ABCA5: variants seen among roughly 807,000 people sequenced by gnomAD.
The protein encoded by ABCA5 is ATP binding cassette subfamily A member 5.
Under a neutral mutation model 206.0 loss-of-function variants are expected in ABCA5, and 163 were observed. The observed-to-expected ratio is 0.79, with a 90% CI of 0.70 to 0.90. The LOEUF is 0.90. Among genes scored for constraint, ABCA5 ranks in the 40% least tolerant of loss-of-function variants. The pLI is 0.00. For synonymous variants in ABCA5, 609 were observed against 613.8 expected, an observed-to-expected ratio of 0.99 and a Z score of 0.11; for missense variants, 1,859 against 1,912.9, an observed-to-expected ratio of 0.97 and a Z score of 0.53.
chr17:69,308,845 T>C (rs1443663174), intron 4 of ABCA5, among the ~76,000 whole-genome samples: 1 of 152,134 alleles, frequency 6.6e-6, no homozygotes, highest in African/African-American at 2.4e-5. Context: ...TATTTCTTCA[T>C]AGATTTAAAC....
At chr17:69,281,888 G>A (rs1406887515) in intron 18 of ABCA5, among the ~76,000 whole-genome samples, 3 of 152,010 alleles carry the variant, frequency 2.0e-5, no homozygotes, top group African/African-American at 4.8e-5. Context: ...CACCCACTCG[G>A]CATTCATGCA....
intron 35 of ABCA5, 23 bp downstream of exon 35, chr17:69,251,724 T>A: frequency 6.2e-7 from 1 of 1,601,644 alleles, no homozygotes; most frequent in Admixed American, 1.8e-5. Context: ...TTCCCCTGAA[T>A]GGCACGCTAT....
At chr17:69,289,335 C>A (rs2075499018) in intron 13 of ABCA5, 39 bp from the exon 14 acceptor site, 7 of 1,433,426 alleles carry the variant, frequency 4.9e-6, no homozygotes, top group Non-Finnish European at 6.5e-6. Context: ...TTTTAAAAAT[C>A]ATACCATTTA....
chr17:69,250,522 G>A lies in ABCA5; in HGVS notation c.4635C>T (p.Arg1545=). The part of the protein sequence containing the change: ...KDWIENLEVD[R]LQREIQYIFP... ...AAATATACTGAATTTCTCTTTGAAG[G>A]CGGTCTACTTCTAGGTTTTCTATCC... The change falls in exon 36 of 39, where the codon CGC becomes CGT. Residue 1545 remains arginine, a synonymous_variant. Coordinates refer to ENST00000392676, the MANE Select transcript of ABCA5 (RefSeq NM_172232.4). 1.0e-5 allele frequency: 16 copies of A among 1,602,634 alleles called. No individual in the cohort carries two copies. The highest frequency in any genetic ancestry group is 1.4e-5 in the Non-Finnish European group (16 of 1,176,082).
At chr17:69,276,769 C>T (rs2075336609) in intron 19 of ABCA5, among the ~76,000 whole-genome samples, 1 of 152,108 alleles carries the variant, frequency 6.6e-6, no homozygotes, top group African/African-American at 2.4e-5. Context: ...CCTGCAAGTT[C>T]TGCACATATA....
At position 69,299,471 on chromosome 17, in the gene ABCA5, T is replaced by TACACACACACACACACACAC. The variant is rs71144671; in HGVS notation, c.1267+1648_1267+1667dup. Among the ~76,000 whole-genome samples the TACACACACACACACACACAC allele has an allele frequency of 1.6e-3, 226 of 142,494 alleles. 3 individuals are homozygous for TACACACACACACACACACAC. Among genetic ancestry groups the TACACACACACACACACACAC allele is most frequent in the Middle Eastern group, 3.5e-3 (1 of 288 alleles). The allele number at this position is 142,494 out of a possible 152,430, so 93.5% of individuals were successfully genotyped here. ...AAAATGTGATACACACACACACACA[T>TACACACACACACACACACAC]ACACACACACACACACACACACACA... On this transcript the variant is annotated intron_variant, in intron 9 of 38. Coordinates refer to ENST00000392676, the MANE Select transcript of ABCA5 (RefSeq NM_172232.4).
chr17:69,285,789 G>T, intron 17 of ABCA5, 109 bp downstream of exon 17: 1 of 1,144,734 alleles, frequency 8.7e-7, no homozygotes. Flanking sequence ...CTGGCCACCT[G>T]GGAGCATGGC....
chr17:69,260,794 T>A (rs76422023), intron 26 of ABCA5, among the ~76,000 whole-genome samples: 6,438 of 152,046 alleles, frequency 0.042, 183 homozygotes, highest in Non-Finnish European at 0.066. Context: ...TCTCTTACAC[T>A]TTATTCTTTC....
intron 18 of ABCA5, among the ~76,000 whole-genome samples, chr17:69,279,985 T>C (rs2075374072): frequency 6.6e-6 from 1 of 152,166 alleles, no homozygotes; most frequent in Non-Finnish European, 1.5e-5. Context: ...AAGGACTTCC[T>C]GTCTAAAACA....
chr17:69,300,667 T>C (rs977759807), intron 9 of ABCA5, among the ~76,000 whole-genome samples: 30 of 152,278 alleles, frequency 2.0e-4, no homozygotes, highest in Non-Finnish European at 4.3e-4. Flanking sequence ...TACAGGACAG[T>C]ACAGGTGTAG....
chr17:69,299,602 G>C (rs1387696413), intron 9 of ABCA5, among the ~76,000 whole-genome samples: 1 of 151,824 alleles, frequency 6.6e-6, no homozygotes, highest in Non-Finnish European at 1.5e-5. Context: ...CTCAGGAATA[G>C]AAAACCAAAT....
chr17:69,298,597 A>G (rs1263713804), intron 9 of ABCA5, among the ~76,000 whole-genome samples: 1 of 152,192 alleles, frequency 6.6e-6, no homozygotes, highest in Admixed American at 6.5e-5. Context: ...ATGTAGGGAA[A>G]GGACACCCTA....
intron 1 of ABCA5, among the ~76,000 whole-genome samples, chr17:69,320,290 A>T (rs1218027754): frequency 1.3e-5 from 2 of 152,244 alleles, no homozygotes; most frequent in Non-Finnish European, 2.9e-5. Context: ...GGTGAACTTC[A>T]TTTAAAGACG....
At chr17:69,259,312 A>G (rs1195754139) in intron 28 of ABCA5, among the ~76,000 whole-genome samples, 1 of 152,068 alleles carries the variant, frequency 6.6e-6, no homozygotes, top group Non-Finnish European at 1.5e-5. Flanking sequence ...CCCAAATCCT[A>G]GCAATTTTTC....
At chr17:69,261,089 T>C in intron 26 of ABCA5, 36 bp downstream of exon 26, 4 of 1,471,666 alleles carry the variant, frequency 2.7e-6, no homozygotes, top group South Asian at 2.7e-5. Flanking sequence ...ATTTATTTTA[T>C]GTTTTTTAAC....
At chr17:69,285,286 T>C (rs1286041075) in intron 17 of ABCA5, 2 of 149,696 alleles carry the variant, frequency 1.3e-5, no homozygotes, top group African/African-American at 4.9e-5. Flanking sequence ...AGTTGGCAAG[T>C]GTACTTCAGT....
chr17:69,274,667 G>A (rs987680564), intron 19 of ABCA5, among the ~76,000 whole-genome samples: 3 of 151,418 alleles, frequency 2.0e-5, no homozygotes, highest in Non-Finnish European at 4.4e-5. Context: ...AATACTGTAC[G>A]ACAAAATTAA....
chr17:69,300,567 T>C (rs2075641664), intron 9 of ABCA5, among the ~76,000 whole-genome samples: 1 of 152,188 alleles, frequency 6.6e-6, no homozygotes, highest in African/African-American at 2.4e-5. Flanking sequence ...ACTTGGAATG[T>C]GGCCTGTGCT....
chr17:69,320,138 A>T (rs1288852104), intron 1 of ABCA5, among the ~76,000 whole-genome samples: 1 of 152,240 alleles, frequency 6.6e-6, no homozygotes, highest in Non-Finnish European at 1.5e-5. Flanking sequence ...GATTGTGTAT[A>T]AAAGTATAAC....
Sources: allele counts gnomAD v4.1 joint callset (sites outside exome capture counted in the v4.1 genomes callset), GRCh38; gene constraint gnomAD v4.1.1; transcripts MANE v1.5; gene names NCBI Gene and HGNC (gene_info 2026-07-23, HGNC 2026-07-21).